Variants in RPGRIP1 observed in about 807,000 individuals in gnomAD.
The protein encoded by RPGRIP1 is X-linked retinitis pigmentosa GTPase regulator-interacting protein 1.
Under a neutral mutation model 157.9 loss-of-function variants are expected in RPGRIP1, and 128 were observed. The ratio of observed to expected loss-of-function variants is 0.81; its 90% confidence interval spans 0.70 to 0.94. The LOEUF (loss-of-function observed/expected upper bound fraction) is 0.94, where lower values mean the gene tolerates loss of function less well. Among genes scored for constraint, RPGRIP1 ranks in the 40% least tolerant of loss-of-function variants. The pLI is 0.00. For missense variants in RPGRIP1, 1,486 were observed against 1,545.8 expected (o/e 0.96, Z 0.65); for synonymous variants, 554 against 571.6 (o/e 0.97, Z 0.44).
chr14:21,331,553 G>T (rs989873775), intron 20 of RPGRIP1, among the ~76,000 whole-genome samples: 3 of 151,982 alleles, frequency 2.0e-5, no homozygotes, highest in Admixed American at 6.6e-5. Flanking sequence ...GACAGTGTTT[G>T]TCTTGATTAT....
At chr14:21,316,859 C>T (rs1881839078) in intron 10 of RPGRIP1, among the ~76,000 whole-genome samples, 1 of 152,016 alleles carries the variant, frequency 6.6e-6, no homozygotes, top group South Asian at 2.1e-4. Context: ...GTGGCTCACA[C>T]CTATAATCCC....
At chr14:21,336,362 C>T (rs922446517) in intron 21 of RPGRIP1, among the ~76,000 whole-genome samples, 1 of 152,124 alleles carries the variant, frequency 6.6e-6, no homozygotes, top group African/African-American at 2.4e-5. Flanking sequence ...AGCAAGACAA[C>T]TGTCTCTACA....
chr14:21,324,533 T>C (rs1329446016), intron 14 of RPGRIP1, 85 bp from the exon 15 acceptor site: 1 of 1,132,776 alleles, frequency 8.8e-7, no homozygotes, highest in African/African-American at 1.5e-5. Flanking sequence ...CACCATGTGT[T>C]TTATATTTCT....
Position 21,317,852 on chromosome 14 carries a change from T to C in RPGRIP1, c.1306+2T>C, listed in dbSNP as rs1220213231. ...TACTTGAGCTGTCCAGGGAGAAAGG[T>C]AGGCTGGACCTTGAAGAGCTCTCTC... On this transcript the variant is annotated splice_donor_variant, in intron 11 of 24. Coordinates refer to ENST00000400017, the MANE Select transcript of RPGRIP1 (RefSeq NM_020366.4). LOFTEE classifies it high-confidence loss of function. 6.2e-7 allele frequency: 1 copy of C among 1,600,236 alleles called. No homozygotes were observed. Among genetic ancestry groups the C allele is most frequent in the Non-Finnish European group, 8.5e-7 (1 of 1,172,334 alleles).
intron 7 of RPGRIP1, among the ~76,000 whole-genome samples, chr14:21,309,321 A>G (rs1322473010): frequency 6.6e-6 from 1 of 152,066 alleles, no homozygotes; most frequent in East Asian, 1.9e-4. Flanking sequence ...AGACCAGCCC[A>G]GACAACATGG....
In RPGRIP1 at chr14:21,327,747, G is replaced by A; in HGVS notation, c.2835G>A (p.Lys945=). Residue 945 remains lysine, a synonymous_variant, in exon 18 of 25, where the codon AAG becomes AAA. Coordinates refer to ENST00000400017, the MANE Select transcript of RPGRIP1 (RefSeq NM_020366.4). ...FLKPEAQTKG[K]DTKDSSKISS... Reference sequence around the variant, plus strand: ...AACCAGAAGCTCAGACTAAGGGGAAGGATACCAAGGACAGTTCAAAGATCT... The same window carrying A: ...AACCAGAAGCTCAGACTAAGGGGAAAGATACCAAGGACAGTTCAAAGATCT... 1 of 1,613,754 alleles carries A rather than the reference G, an allele frequency of 6.2e-7. No homozygotes were observed. The highest frequency in any genetic ancestry group is 8.5e-7 in the Non-Finnish European group (1 of 1,179,786).
intron 10 of RPGRIP1, among the ~76,000 whole-genome samples, chr14:21,316,412 G>A (rs924673386): frequency 2.4e-4 from 37 of 151,830 alleles, no homozygotes; most frequent in African/African-American, 9.0e-4. Context: ...CAGCCTGGCC[G>A]GTAAGTTATT....
intron 21 of RPGRIP1, among the ~76,000 whole-genome samples, chr14:21,338,246 G>A (rs1884610229): frequency 6.6e-6 from 1 of 152,172 alleles, no homozygotes; most frequent in South Asian, 2.1e-4. Context: ...TAATGAGGAG[G>A]GAGCAATCAT....
intron 1 of RPGRIP1, among the ~76,000 whole-genome samples, chr14:21,283,401 C>T (rs906650569): frequency 4.0e-5 from 6 of 151,040 alleles, no homozygotes; most frequent in Non-Finnish European, 5.9e-5. Context: ...CTCCTGTGCT[C>T]AAGCGATTCT....
chr14:21,322,347 T>A (rs902673289), intron 14 of RPGRIP1, among the ~76,000 whole-genome samples: 1 of 152,056 alleles, frequency 6.6e-6, no homozygotes, highest in Non-Finnish European at 1.5e-5. Context: ...TTAGTAGAGA[T>A]GGGGTTTCAC....
chr14:21,342,933 A>G, intron 21 of RPGRIP1, 103 bp from the exon 22 acceptor site: 3 of 782,708 alleles, frequency 3.8e-6, no homozygotes, highest in South Asian at 1.8e-5. Context: ...GATTATACCT[A>G]TGGTTGATTT....
At chr14:21,294,052 C>CAAA (rs370207654) in intron 2 of RPGRIP1, among the ~76,000 whole-genome samples, 21 of 94,716 alleles carry the variant, frequency 2.2e-4, no homozygotes, top group African/African-American at 3.8e-4. Context: ...GACCCTGTCT[C>CAAA]AAAAAAAAAA....
chr14:21,301,040 C>G lies in RPGRIP1; in HGVS notation c.293C>G (p.Ser98Trp), dbSNP rs1337129272. ...LRVAEEAAPL[S>W]ETARRGQKAG... ...GTCGCGGAGGAGGCGGCGCCGCTCT[C>G]GGAGACCGCAAGGCGCGGGCAGAAG... is the stretch of plus-strand genomic sequence containing the variant. The change falls in exon 4 of 25, where the codon TCG (serine) becomes TGG (tryptophan). Residue 98 changes from serine (S) to tryptophan (W), a missense_variant. Transcript: ENST00000400017. 6.2e-7 allele frequency: 1 copy of G among 1,612,598 alleles called. No individual in the cohort carries two copies. The highest frequency in any genetic ancestry group is 1.3e-5 in the African/African-American group (1 of 75,020).
chr14:21,337,721 GTA>G (rs1884519254), intron 21 of RPGRIP1, among the ~76,000 whole-genome samples: 2 of 147,368 alleles, frequency 1.4e-5, no homozygotes, highest in Non-Finnish European at 3.0e-5. Context: ...GAATTTACAG[GTA>G]TGAGCCACTG....
Position 21,343,199 on chromosome 14 carries a change from G to T in RPGRIP1, c.3503G>T (p.Gly1168Val), listed in dbSNP as rs763866704. 3 of 1,612,818 alleles carry T rather than the reference G, an allele frequency of 1.9e-6. No individual in the cohort carries two copies. The highest frequency in any genetic ancestry group is 1.7e-5 in the Admixed American group (1 of 59,782). Residue 1168 changes from glycine (G) to valine (V), a missense_variant, in exon 22 of 25, where the codon GGA (glycine) becomes GTA (valine). Physicochemically the swap from Gly to Val is moderately radical, Grantham distance 109. Transcript: ENST00000400017. ...GTGTCCCTAAGGAAGCCTAGGGCAG[G>T]AGAAGAAATCCACTTTCACTTTAGC... is the stretch of plus-strand genomic sequence containing the variant. ...TPVSLRKPRA[G>V]EEIHFHFSKV...
At chr14:21,299,076 C>T (rs183911781) in intron 3 of RPGRIP1, among the ~76,000 whole-genome samples, 219 of 148,946 alleles carry the variant, frequency 1.5e-3, no homozygotes, top group Middle Eastern at 3.6e-3. Context: ...AGTGCAATGG[C>T]GTGATCTCGG....
intron 10 of RPGRIP1, among the ~76,000 whole-genome samples, chr14:21,313,720 G>A (rs937726037): frequency 2.6e-5 from 4 of 151,642 alleles, no homozygotes; most frequent in Non-Finnish European, 4.4e-5. Context: ...CCCGGGAGGC[G>A]GAGGTTGCAG....
At chr14:21,312,664 C>T (rs1052034468) in intron 10 of RPGRIP1, among the ~76,000 whole-genome samples, 158 bp downstream of exon 10, 2 of 150,996 alleles carry the variant, frequency 1.3e-5, no homozygotes, top group African/African-American at 4.9e-5. Context: ...GAATTTGACA[C>T]TATTAAAATG....
intron 23 of RPGRIP1, among the ~76,000 whole-genome samples, chr14:21,345,829 C>CT (rs1161118687): frequency 8.7e-5 from 13 of 149,332 alleles, no homozygotes; most frequent in East Asian, 2.0e-4. Context: ...TGACATTCTT[C>CT]TTTTTTTTGA....
Sources: gnomAD v4.1 joint callset for allele counts (sites outside exome capture counted in the v4.1 genomes callset) on GRCh38, gnomAD v4.1.1 for gene constraint, MANE v1.5 for transcripts, NCBI Gene and HGNC (gene_info 2026-07-23, HGNC 2026-07-21) for gene names.